The following CDYL variants were observed in gnomAD, a reference collection of about 807,000 sequenced individuals.
CDYL encodes the protein chromodomain Y like, also known as chromodomain Y-like protein.
A neutral mutation model predicts 47.3 loss-of-function variants in CDYL; 8 were observed. That is an observed-to-expected ratio of 0.17 (90% confidence interval 0.10 to 0.31). The LOEUF (loss-of-function observed/expected upper bound fraction) is 0.31. Ranked by LOEUF, CDYL falls within the 10% of genes least tolerant of loss-of-function variation. The pLI, the probability that CDYL is intolerant of heterozygous loss-of-function variation, is 1.00. For missense variants in CDYL, 471 were observed against 701.4 expected, an observed-to-expected ratio of 0.67 and a Z score of 3.71; for synonymous variants, 266 against 265.0, an observed-to-expected ratio of 1.00 and a Z score of -0.04.
At chr6:4,763,428 A>C (rs1263973595) in intron 3 of CDYL, among the ~76,000 whole-genome samples, 1 of 152,218 alleles carries the variant, frequency 6.6e-6, no homozygotes, top group Non-Finnish European at 1.5e-5. Flanking sequence ...ACAAAGCAAC[A>C]ATAAGGATGG....
chr6:4,951,532 T>G (rs1758704579), intron 5 of CDYL, among the ~76,000 whole-genome samples: 1 of 152,010 alleles, frequency 6.6e-6, no homozygotes, highest in Non-Finnish European at 1.5e-5. Flanking sequence ...TATATTCTTT[T>G]AAAGAAAACC....
chr6:4,808,082 C>T (rs1759423795), intron 1 of CDYL, among the ~76,000 whole-genome samples: 2 of 152,174 alleles, frequency 1.3e-5, no homozygotes, highest in South Asian at 4.1e-4. Context: ...ACAGGACACT[C>T]AGGGTGCATC....
intron 3 of CDYL, among the ~76,000 whole-genome samples, chr6:4,742,081 C>CT (rs1757806801): frequency 6.6e-6 from 1 of 152,190 alleles, no homozygotes; most frequent in African/African-American, 2.4e-5. Flanking sequence ...CAGGGAAAGG[C>CT]TGGGTGTGGT....
At chr6:4,819,111 G>A (rs1267989218) in intron 1 of CDYL, among the ~76,000 whole-genome samples, 2 of 69,004 alleles carry the variant, frequency 2.9e-5, no homozygotes, top group African/African-American at 5.0e-5. Flanking sequence ...TTCTTTTTAG[G>A]TTCGTTCTCT....
At chr6:4,893,409 T>C (rs1762106671) in intron 2 of CDYL, among the ~76,000 whole-genome samples, 2 of 152,228 alleles carry the variant, frequency 1.3e-5, no homozygotes, top group African/African-American at 4.8e-5. Context: ...AATTGTCTCT[T>C]TAGCCGGGCG....
Position 4,888,950 on chromosome 6 carries a change from T to A in CDYL, c.25-2763T>A, listed in dbSNP as rs148336624. On this transcript the variant is annotated intron_variant, in intron 1 of 6. Transcript: ENST00000397588. Reference sequence around the variant, plus strand: ...TCCCCATTTGGAGATAGAACTTGCATGATTGCAATCCTTTTAAATGTACTG... The same window carrying A: ...TCCCCATTTGGAGATAGAACTTGCAAGATTGCAATCCTTTTAAATGTACTG... 2.9e-3 allele frequency among the ~76,000 whole-genome samples: 438 copies of A among 152,386 alleles called. 4 individuals carry two copies. The highest frequency in any genetic ancestry group is 0.01 in the African/African-American group (420 of 41,590).
intron 1 of CDYL, among the ~76,000 whole-genome samples, chr6:4,879,432 G>A (rs1761703537): frequency 6.6e-6 from 1 of 151,660 alleles, no homozygotes; most frequent in Non-Finnish European, 1.5e-5. Flanking sequence ...TTTATGTCTT[G>A]TAATGCTTTC....
At chr6:4,741,768 A>G (rs1258946026) in intron 3 of CDYL, among the ~76,000 whole-genome samples, 1 of 152,194 alleles carries the variant, frequency 6.6e-6, no homozygotes, top group African/African-American at 2.4e-5. Context: ...TTTCTTTGCT[A>G]AAGGAGAAGC....
chr6:4,916,245 C>G (rs559617329), intron 2 of CDYL, among the ~76,000 whole-genome samples: 1 of 152,322 alleles, frequency 6.6e-6, no homozygotes, highest in African/African-American at 2.4e-5. Context: ...CAGATACTTT[C>G]TAGTCTACAG....
intron 1 of CDYL, among the ~76,000 whole-genome samples, chr6:4,848,966 G>A (rs1206795935): frequency 2.0e-5 from 3 of 152,136 alleles, no homozygotes; most frequent in African/African-American, 7.2e-5. Context: ...AACATTCTTT[G>A]CATAACAGCA....
chr6:4,844,602 T>TC (rs1319984292), intron 1 of CDYL, among the ~76,000 whole-genome samples: 1 of 152,186 alleles, frequency 6.6e-6, no homozygotes, highest in Non-Finnish European at 1.5e-5. Context: ...AGAATATTTT[T>TC]CCCCCAACAT....
rs9504219 is a variant in CDYL, at chr6:4,722,459, G to A, written c.103+6578G>A. Among the ~76,000 whole-genome samples, 1,304 of 152,246 alleles carry A rather than the reference G, an allele frequency of 8.6e-3. 22 individuals carry two copies. The highest frequency in any genetic ancestry group is 0.03 in the African/African-American group (1,256 of 41,552). On this transcript the variant is annotated intron_variant, in intron 2 of 8. Coordinates refer to the CDYL transcript ENST00000328908. The stretch of plus-strand genomic sequence containing the variant: ...TAAATTATGATTATAGAAATCTTCC[G>A]AAAGATAAGAAAATGTTCGTCAAAT...
chr6:4,877,319 G>GT (rs1471859062), intron 1 of CDYL, among the ~76,000 whole-genome samples: 1 of 152,090 alleles, frequency 6.6e-6, no homozygotes, highest in African/African-American at 2.4e-5. Flanking sequence ...TTGATGAGAA[G>GT]TTTAAAATTT....
At chr6:4,921,796 T>G (rs77925101) in intron 2 of CDYL, among the ~76,000 whole-genome samples, 1 of 146,358 alleles carries the variant, frequency 6.8e-6, no homozygotes, top group African/African-American at 2.5e-5. Flanking sequence ...TGCCATATAC[T>G]TTTTTTTTTT....
At chr6:4,813,142 A>G (rs1472457933) in intron 1 of CDYL, among the ~76,000 whole-genome samples, 2 of 152,178 alleles carry the variant, frequency 1.3e-5, no homozygotes, top group African/African-American at 2.4e-5. Context: ...CGAATTAATT[A>G]TAGTTCGTAC....
intron 2 of CDYL, among the ~76,000 whole-genome samples, chr6:4,900,001 A>C (rs889964363): frequency 6.6e-6 from 1 of 152,206 alleles, no homozygotes; most frequent in South Asian, 2.1e-4. Context: ...CAGAAATGTT[A>C]ACACACATCC....
intron 3 of CDYL, among the ~76,000 whole-genome samples, chr6:4,749,675 T>C (rs1757957646): frequency 6.6e-6 from 1 of 152,246 alleles, no homozygotes; most frequent in Non-Finnish European, 1.5e-5. Flanking sequence ...ATCTAATTAA[T>C]AAATGAGATG....
At chr6:4,807,628 G>A (rs1199653136) in intron 1 of CDYL, among the ~76,000 whole-genome samples, 2 of 105,804 alleles carry the variant, frequency 1.9e-5, no homozygotes, top group Non-Finnish European at 3.4e-5. Context: ...TTTGGAGATA[G>A]GCTCTTGCAC....
intron 1 of CDYL, among the ~76,000 whole-genome samples, chr6:4,794,270 G>A: frequency 6.6e-6 from 1 of 152,134 alleles, no homozygotes; most frequent in Non-Finnish European, 1.5e-5. Context: ...AGATAGTGGT[G>A]CACTGGAAGA....
Sources: allele counts gnomAD v4.1 joint callset (sites outside exome capture counted in the v4.1 genomes callset), GRCh38; gene constraint gnomAD v4.1.1; transcripts MANE v1.5; gene names NCBI Gene and HGNC (gene_info 2026-07-23, HGNC 2026-07-21).